Variants in RSPH14 observed in about 807,000 individuals in gnomAD.
RSPH14 encodes radial spoke head 14 homolog.
Under a neutral mutation model 26.7 loss-of-function variants are expected in RSPH14, and 20 were observed. The observed-to-expected ratio is 0.75, with a 90% CI of 0.53 to 1.09. RSPH14 has a LOEUF of 1.09. Ranked by LOEUF, RSPH14 falls within the 50% of genes least tolerant of loss-of-function variation. RSPH14 has a pLI of 0.00. For synonymous variants in RSPH14, 177 were observed against 189.3 expected (o/e 0.93, Z 0.53); for missense variants, 449 against 457.2 (o/e 0.98, Z 0.16).
At position 23,138,809 on chromosome 22, in the gene RSPH14, C is replaced by T. The variant is rs376554580; in HGVS notation, c.302+31G>A. 1.8e-5 allele frequency: 28 copies of T among 1,527,778 alleles called. No homozygotes were observed. The African/African-American group carries it at 3.3e-4, about 18-fold the overall frequency. 94.6% of individuals were successfully genotyped at this position (1,527,778 alleles called of 1,614,324 possible). On this transcript the variant is annotated intron_variant, in intron 3 of 6. Coordinates refer to ENST00000216036, the MANE Select transcript of RSPH14 (RefSeq NM_014433.3). ...CCAGGGGAGAAGTGCGGCTCGCAAGCGTCACACTGGTTTCCAGAACAGCAT... is the reference window on the plus strand; with the variant it reads ...CCAGGGGAGAAGTGCGGCTCGCAAGTGTCACACTGGTTTCCAGAACAGCAT...
chr22:23,102,337 T>C (rs547708177), intron 4 of RSPH14, among the ~76,000 whole-genome samples: 1 of 152,322 alleles, frequency 6.6e-6, no homozygotes, highest in Non-Finnish European at 1.5e-5. Flanking sequence ...GAAGGCAGCA[T>C]GTCCTGGCAC....
chr22:23,169,103 G>A, the RSPH14 span, among the ~76,000 whole-genome samples: 1 of 152,214 alleles, frequency 6.6e-6, no homozygotes, highest in Non-Finnish European at 1.5e-5. Context: ...TTCTGCAGAA[G>A]GCAGTGGAGT....
intron 4 of RSPH14, among the ~76,000 whole-genome samples, chr22:23,114,853 T>C (rs2069777154): frequency 1.3e-5 from 2 of 152,180 alleles, no homozygotes; most frequent in South Asian, 4.2e-4. Context: ...GGCTGTCTGC[T>C]TGCCTCCATC....
the RSPH14 span, chr22:23,150,107 C>T: frequency 9.3e-6 from 15 of 1,612,390 alleles, no homozygotes; most frequent in Admixed American, 5.0e-5. Flanking sequence ...AGCACTTCCA[C>T]GGGCAGGTCA....
At chr22:23,172,107 T>C in the RSPH14 span, among the ~76,000 whole-genome samples, 47,184 of 152,170 alleles carry the variant, frequency 0.31, 7,639 homozygotes, top group African/African-American at 0.39. Context: ...AATATGTGGC[T>C]TTTTGTGACT....
the RSPH14 span, among the ~76,000 whole-genome samples, chr22:23,157,761 C>T: frequency 6.6e-6 from 1 of 152,224 alleles, no homozygotes; most frequent in Admixed American, 6.5e-5. Context: ...CCTTGTCCTG[C>T]CTCCCTGGAT....
At position 23,069,386 on chromosome 22, in the gene RSPH14, G is replaced by C. The variant is rs529266327; in HGVS notation, c.422-5253C>G. On this transcript the variant is annotated intron_variant, in intron 4 of 6. Transcript: ENST00000216036. ...TTACAAAGATGGAGAAGAGAGACAG[G>C]AGCATTCATGTCTTGGCCCTCTGGC... Among the ~76,000 whole-genome samples, 28 of 152,330 alleles carry C rather than the reference G, an allele frequency of 1.8e-4. 1 individual carries two copies. The highest frequency in any genetic ancestry group is 5.3e-4 in the African/African-American group (22 of 41,576).
At chr22:23,119,131 G>A (rs1221730395) in intron 4 of RSPH14, among the ~76,000 whole-genome samples, 7 of 152,338 alleles carry the variant, frequency 4.6e-5, no homozygotes, top group African/African-American at 1.7e-4. Flanking sequence ...TTTCAGTGGT[G>A]GTGATTTGAG....
At chr22:23,146,654 G>T (rs867580501), upstream of RSPH14, 6 of 1,614,096 alleles carry the variant, frequency 3.7e-6, no homozygotes, top group South Asian at 5.5e-5. Flanking sequence ...CCCCCTGTGA[G>T]CCGCGACCGT....
At chr22:23,130,058 AAAAAG>A (rs2070278871) in intron 4 of RSPH14, among the ~76,000 whole-genome samples, 1 of 137,692 alleles carries the variant, frequency 7.3e-6, no homozygotes, top group African/African-American at 2.9e-5. Context: ...AAAGAGAAAG[AAAAAG>A]AAAGAAAGAA....
At chr22:23,072,296 G>A (rs1326098552) in intron 4 of RSPH14, among the ~76,000 whole-genome samples, 6 of 152,134 alleles carry the variant, frequency 3.9e-5, no homozygotes, top group Non-Finnish European at 2.9e-5. Context: ...TCCATCTACG[G>A]GGTGCAGTGG....
chr22:23,145,524 G>T (rs139746925), upstream of RSPH14: 960 of 1,603,770 alleles, frequency 6.0e-4, 8 homozygotes, highest in African/African-American at 8.9e-3. Flanking sequence ...CAGGCCGCGC[G>T]GAGCCCCAGC....
At chr22:23,060,721 G>A (rs1477127546) in intron 6 of RSPH14, among the ~76,000 whole-genome samples, 3 of 152,112 alleles carry the variant, frequency 2.0e-5, no homozygotes, top group African/African-American at 4.8e-5. Flanking sequence ...CTTCCCAGAG[G>A]CGACTTGTCC....
At chr22:23,113,118 C>T (rs755476933) in intron 4 of RSPH14, among the ~76,000 whole-genome samples, 13 of 152,232 alleles carry the variant, frequency 8.5e-5, no homozygotes, top group Non-Finnish European at 1.9e-4. Flanking sequence ...CAGGAAGACA[C>T]ATGTTAGACA....
At chr22:23,161,750 TG>T in the RSPH14 span, 1 of 587,962 alleles carries the variant, frequency 1.7e-6, no homozygotes, top group Middle Eastern at 4.6e-4. Flanking sequence ...CGTTGCAGGT[TG>T]GGCACTAGAA....
chr22:23,088,277 G>A (rs1026345053), intron 4 of RSPH14, among the ~76,000 whole-genome samples: 1 of 152,190 alleles, frequency 6.6e-6, no homozygotes, highest in African/African-American at 2.4e-5. Context: ...CCTCCTGCTG[G>A]TCCCTGCATG....
Position 23,071,850 on chromosome 22 carries a change from C to A in RSPH14, c.422-7717G>T, listed in dbSNP as rs1228626420. Among the ~76,000 whole-genome samples the A allele has an allele frequency of 6.6e-6, 1 of 152,118 alleles. No individual in the cohort carries two copies. Among genetic ancestry groups the A allele is most frequent in the Non-Finnish European group, 1.5e-5 (1 of 68,022 alleles). Reference sequence around the variant, plus strand: ...TGTGGGCAGAGAGGAGAGAATAGACCGAGGCACTTGGGCAGTTAGGTCTGA... The same window carrying A: ...TGTGGGCAGAGAGGAGAGAATAGACAGAGGCACTTGGGCAGTTAGGTCTGA... On this transcript the variant is annotated intron_variant, in intron 4 of 6. Coordinates refer to ENST00000216036, the MANE Select transcript of RSPH14 (RefSeq NM_014433.3). This position sits in a 1 kb window ranked among gnomAD's most constrained non-coding sequence, Gnocchi z 4.1.
rs1004311790 is a variant in RSPH14 at position 23,117,780 on chromosome 22, G to A, written c.421+16246C>T. On this transcript the variant is annotated intron_variant, in intron 4 of 6. Transcript: ENST00000216036. ...ACTTGTCCAAGGTGCAGCATGCACC[G>A]GCAGTGAGTAAACCCCAGACCCTGT... 1.1e-4 allele frequency among the ~76,000 whole-genome samples: 16 copies of A among 152,220 alleles called. 1 individual carries two copies. Among genetic ancestry groups the A allele is most frequent in the South Asian group, 2.1e-4 (1 of 4,834 alleles).
chr22:23,117,611 G>A (rs993433731), intron 4 of RSPH14, among the ~76,000 whole-genome samples: 6 of 152,242 alleles, frequency 3.9e-5, no homozygotes, highest in African/African-American at 1.2e-4. Flanking sequence ...GTGTGGCGTG[G>A]AGAGGGCCCA....
Sources: gnomAD v4.1 joint callset for allele counts (sites outside exome capture counted in the v4.1 genomes callset) on GRCh38, gnomAD v4.1.1 for gene constraint, Gnocchi (gnomAD v3.1) non-coding constraint, MANE v1.5 for transcripts, NCBI Gene and HGNC (gene_info 2026-07-23, HGNC 2026-07-21) for gene names.